Variants in ADGRL3 observed in about 807,000 individuals in gnomAD.
ADGRL3 encodes the protein adhesion G protein-coupled receptor L3.
Under a neutral mutation model 153.5 loss-of-function variants are expected in ADGRL3, and 62 were observed. The ratio of observed to expected loss-of-function variants is 0.40; its 90% CI spans 0.33 to 0.50. The LOEUF is 0.50. Among genes scored for constraint, ADGRL3 ranks in the 20% least tolerant of loss-of-function variants. ADGRL3 has a pLI of 0.47. For missense variants in ADGRL3, 1,641 were observed against 1,859.4 expected (o/e 0.88, Z 2.16); for synonymous variants, 710 against 672.5 (o/e 1.06, Z -0.86).
chr4:61,217,261 G>A (rs893890710), intron 1 of ADGRL3, among the ~76,000 whole-genome samples: 13 of 152,190 alleles, frequency 8.5e-5, no homozygotes, highest in Non-Finnish European at 1.9e-4. Flanking sequence ...GAGTTTAGCA[G>A]CAGAATCAGA....
At chr4:61,985,991 G>T (rs1478655761) in intron 19 of ADGRL3, among the ~76,000 whole-genome samples, 11 of 140,992 alleles carry the variant, frequency 7.8e-5, no homozygotes, top group African/African-American at 2.1e-4. Context: ...ATATAGGTTT[G>T]TTTTTTTTTT....
At chr4:61,233,551 G>A (rs571088507) in intron 1 of ADGRL3, among the ~76,000 whole-genome samples, 2 of 152,240 alleles carry the variant, frequency 1.3e-5, no homozygotes, top group Non-Finnish European at 2.9e-5. Flanking sequence ...TTGAGAAGGT[G>A]ACATTTGAAC....
chr4:61,430,130 G>A (rs2097337769), intron 2 of ADGRL3, among the ~76,000 whole-genome samples: 2 of 152,052 alleles, frequency 1.3e-5, no homozygotes, highest in South Asian at 4.1e-4. Flanking sequence ...CTGTGCTTTG[G>A]AAACAAACAG....
chr4:61,748,121 G>A (rs1302241779), intron 8 of ADGRL3, among the ~76,000 whole-genome samples: 5 of 151,402 alleles, frequency 3.3e-5, no homozygotes, highest in African/African-American at 1.2e-4. Flanking sequence ...GCTTCAAAGA[G>A]AATAAAATAC....
intron 1 of ADGRL3, among the ~76,000 whole-genome samples, chr4:61,336,781 G>A (rs1359270974): frequency 1.3e-5 from 2 of 151,480 alleles, no homozygotes; most frequent in Non-Finnish European, 2.9e-5. Flanking sequence ...TGAATGCAAA[G>A]CTTCATGATA....
intron 17 of ADGRL3, among the ~76,000 whole-genome samples, chr4:61,952,297 T>G (rs890312611): frequency 8.6e-5 from 13 of 151,802 alleles, no homozygotes; most frequent in African/African-American, 3.1e-4. Flanking sequence ...GGCAACATAG[T>G]GAAACCTCAT....
chr4:61,704,366 A>G (rs2095820514), intron 6 of ADGRL3, among the ~76,000 whole-genome samples: 2 of 152,212 alleles, frequency 1.3e-5, no homozygotes, highest in Non-Finnish European at 2.9e-5. Flanking sequence ...AGTACATATA[A>G]AGGTAATGTT....
chr4:61,996,061 C>G (rs1393362555), intron 19 of ADGRL3, among the ~76,000 whole-genome samples: 1 of 151,868 alleles, frequency 6.6e-6, no homozygotes, highest in South Asian at 2.1e-4. Flanking sequence ...AGCAAATAGG[C>G]CCAGTGCCAT....
At chr4:61,382,188 T>A (rs938275578) in intron 1 of ADGRL3, among the ~76,000 whole-genome samples, 2 of 151,798 alleles carry the variant, frequency 1.3e-5, no homozygotes, top group African/African-American at 4.8e-5. Context: ...TGTCACTGTT[T>A]AGCATGTATG....
intron 1 of ADGRL3, among the ~76,000 whole-genome samples, chr4:61,216,918 A>G (rs1011357577): frequency 9.9e-5 from 15 of 152,224 alleles, no homozygotes; most frequent in Non-Finnish European, 1.2e-4. Context: ...AGCACCCAAT[A>G]CATTTTATTA....
chr4:61,336,621 C>A (rs148728378), intron 1 of ADGRL3, among the ~76,000 whole-genome samples: 1 of 152,084 alleles, frequency 6.6e-6, no homozygotes, highest in East Asian at 1.9e-4. Flanking sequence ...GGGCTCATTA[C>A]GCCTTTCAGT....
At chr4:61,356,124 T>A (rs2096161971) in intron 1 of ADGRL3, among the ~76,000 whole-genome samples, 1 of 152,038 alleles carries the variant, frequency 6.6e-6, no homozygotes. Flanking sequence ...GATAAATCCA[T>A]TTTTATTTGA....
intron 9 of ADGRL3, among the ~76,000 whole-genome samples, chr4:61,836,393 G>C (rs1215928876): frequency 2.6e-5 from 4 of 152,068 alleles, no homozygotes; most frequent in Admixed American, 2.6e-4. Context: ...AAGCCAAGTG[G>C]AAACAATTTA....
chr4:61,425,617 G>T (rs1456926766), intron 2 of ADGRL3, among the ~76,000 whole-genome samples: 1 of 152,224 alleles, frequency 6.6e-6, no homozygotes. Flanking sequence ...AGTGGCTTCT[G>T]CCCAGGGTGG....
chr4:61,982,691 C>A (rs2099072576), intron 18 of ADGRL3, among the ~76,000 whole-genome samples: 1 of 152,092 alleles, frequency 6.6e-6, no homozygotes, highest in Non-Finnish European at 1.5e-5. Context: ...CCTTTTCTGA[C>A]CAAGCTTGTC....
intron 1 of ADGRL3, among the ~76,000 whole-genome samples, chr4:61,309,805 T>C (rs2094930094): frequency 6.6e-6 from 1 of 152,168 alleles, no homozygotes; most frequent in South Asian, 2.1e-4. Context: ...GTTCTTGCAA[T>C]AGGATGGCAG....
chr4:61,789,385 C>T (rs2097314470), intron 8 of ADGRL3, among the ~76,000 whole-genome samples: 1 of 152,114 alleles, frequency 6.6e-6, no homozygotes, highest in Admixed American at 6.6e-5. Context: ...ATATGACACA[C>T]TTGAAGACAG....
intron 8 of ADGRL3, among the ~76,000 whole-genome samples, chr4:61,753,550 G>C (rs2096783328): frequency 6.6e-6 from 1 of 152,148 alleles, no homozygotes; most frequent in Non-Finnish European, 1.5e-5. Flanking sequence ...CAACTTAAGA[G>C]GGTGAGAGAA....
intron 8 of ADGRL3, among the ~76,000 whole-genome samples, chr4:61,758,943 T>C (rs1157988738): frequency 6.6e-6 from 1 of 152,180 alleles, no homozygotes; most frequent in Non-Finnish European, 1.5e-5. Context: ...TTATGAAGCT[T>C]AGTTTGGCTG....
Sources: gnomAD v4.1 joint callset for allele counts (sites outside exome capture counted in the v4.1 genomes callset) on GRCh38, gnomAD v4.1.1 for gene constraint, MANE v1.5 for transcripts, NCBI Gene and HGNC (gene_info 2026-07-23, HGNC 2026-07-21) for gene names.